GPHN: variants seen among roughly 807,000 people sequenced by gnomAD.
GPHN encodes gephyrin.
A neutral mutation model predicts 95.5 loss-of-function variants in GPHN; 17 were observed. The ratio of observed to expected loss-of-function variants is 0.18; its 90% CI spans 0.12 to 0.27. The LOEUF is 0.27. Among genes scored for constraint, GPHN ranks in the 10% least tolerant of loss-of-function variants. The pLI, the probability that GPHN is intolerant of heterozygous loss-of-function variation, is 1.00. For missense variants in GPHN, 660 were observed against 978.1 expected, an observed-to-expected ratio of 0.67 and a Z score of 4.34; for synonymous variants, 320 against 322.5, an observed-to-expected ratio of 0.99 and a Z score of 0.08.
intron 1 of GPHN, among the ~76,000 whole-genome samples, chr14:66,583,798 A>G (rs1175636649): frequency 6.6e-6 from 1 of 152,056 alleles, no homozygotes; most frequent in Non-Finnish European, 1.5e-5. Flanking sequence ...TCCTTGTAGT[A>G]TAGTTTGAAG....
chr14:67,535,578 C>T, the GPHN span, among the ~76,000 whole-genome samples: 1 of 151,998 alleles, frequency 6.6e-6, no homozygotes, highest in South Asian at 2.1e-4. Flanking sequence ...GACAGGGTTT[C>T]ACCATGTTGG....
chr14:67,416,421 A>G, the GPHN span, among the ~76,000 whole-genome samples: 1 of 152,166 alleles, frequency 6.6e-6, no homozygotes, highest in Non-Finnish European at 1.5e-5. Flanking sequence ...ATTTGTAGGA[A>G]AAGGAGGGCG....
At chr14:67,191,986 A>AG in the GPHN span, among the ~76,000 whole-genome samples, 3 of 152,206 alleles carry the variant, frequency 2.0e-5, no homozygotes, top group Non-Finnish European at 4.4e-5. Context: ...GAAAGGATTG[A>AG]GGGGGAGAAA....
intron 2 of GPHN, among the ~76,000 whole-genome samples, chr14:66,751,431 C>T (rs1474006628): frequency 6.6e-6 from 1 of 152,056 alleles, no homozygotes; most frequent in African/African-American, 2.4e-5. Context: ...TTGCATTTCT[C>T]CAATGATCAG....
chr14:67,570,013 G>T, the GPHN span: 9 of 1,570,600 alleles, frequency 5.7e-6, no homozygotes, highest in Admixed American at 1.7e-5. Flanking sequence ...ACTGAAGGGG[G>T]TAAGAAACTG....
chr14:66,908,683 G>A (rs1276088365), intron 5 of GPHN, among the ~76,000 whole-genome samples: 1 of 151,998 alleles, frequency 6.6e-6, no homozygotes, highest in African/African-American at 2.4e-5. Flanking sequence ...TCAGCTAAGA[G>A]ATCAAGATCA....
chr14:67,389,789 T>A, the GPHN span, among the ~76,000 whole-genome samples: 1 of 150,118 alleles, frequency 6.7e-6, no homozygotes, highest in African/African-American at 2.5e-5. Context: ...TTTTTTTTTT[T>A]AAGTGTTTTT....
At chr14:67,370,020 T>TGTTTCTATA in the GPHN span, among the ~76,000 whole-genome samples, 1 of 152,232 alleles carries the variant, frequency 6.6e-6, no homozygotes. Flanking sequence ...TCATTAGCAT[T>TGTTTCTATA]GTTTCTATAG....
intron 1 of GPHN, among the ~76,000 whole-genome samples, chr14:66,630,318 T>TG (rs2063741357): frequency 1.3e-5 from 2 of 152,140 alleles, no homozygotes; most frequent in Non-Finnish European, 2.9e-5. Flanking sequence ...TTGAGATGTG[T>TG]GGGGTCAGAT....
chr14:67,228,423 T>C, the GPHN span: 1 of 382,924 alleles, frequency 2.6e-6, no homozygotes, highest in African/African-American at 2.2e-5. Flanking sequence ...CTCCACCTTT[T>C]TTTAAAATCA....
At chr14:66,936,308 G>A (rs947613272) in intron 8 of GPHN, among the ~76,000 whole-genome samples, 3 of 152,072 alleles carry the variant, frequency 2.0e-5, no homozygotes, top group African/African-American at 4.8e-5. Context: ...AAACCCCGGA[G>A]GCAGAGGTTA....
intron 8 of GPHN, among the ~76,000 whole-genome samples, chr14:66,952,152 C>T (rs56106424): frequency 1.1e-4 from 17 of 152,146 alleles, no homozygotes; most frequent in East Asian, 9.6e-4. Context: ...TTATCACCAC[C>T]GCTCCCAAAA....
intron 10 of GPHN, among the ~76,000 whole-genome samples, chr14:67,040,209 T>C (rs2074629619): frequency 6.6e-6 from 1 of 152,138 alleles, no homozygotes. Context: ...GTTACAAGAA[T>C]AGTATAGAGA....
chr14:67,436,050 T>A, the GPHN span, among the ~76,000 whole-genome samples: 28 of 152,354 alleles, frequency 1.8e-4, no homozygotes, highest in Admixed American at 1.7e-3. Context: ...TTACTTCCCT[T>A]AGGGCTGATT....
intron 11 of GPHN, among the ~76,000 whole-genome samples, chr14:67,064,267 A>G (rs972674667): frequency 6.6e-6 from 1 of 152,130 alleles, no homozygotes; most frequent in African/African-American, 2.4e-5. Flanking sequence ...CCAGCCTTTC[A>G]TCTCAGGGAT....
At chr14:66,614,516 A>T (rs1469989305) in intron 1 of GPHN, among the ~76,000 whole-genome samples, 3 of 151,812 alleles carry the variant, frequency 2.0e-5, no homozygotes, top group Non-Finnish European at 4.4e-5. Flanking sequence ...TTGCTTTTCT[A>T]CATGCAAAAT....
At chr14:67,289,156 T>G in the GPHN span, among the ~76,000 whole-genome samples, 1 of 151,662 alleles carries the variant, frequency 6.6e-6, no homozygotes, top group Non-Finnish European at 1.5e-5. Flanking sequence ...TTTGTAGACC[T>G]GGAGTTTTGC....
rs184798222 is a variant in GPHN, at chr14:67,096,115, T to C, written c.1238-4741T>C. ...AGAAATAAGAAAAATGACTCCTCTC[T>C]TGGTACCAAGAAACTTCTATGTAGT... On this transcript the variant is annotated intron_variant, in intron 12 of 22. Coordinates refer to ENST00000478722, the MANE Select transcript of GPHN (RefSeq NM_020806.5). 2.9e-3 allele frequency among the ~76,000 whole-genome samples: 449 copies of C among 152,248 alleles called. 4 individuals are homozygous for C. The highest frequency in any genetic ancestry group is 3.3e-3 in the Non-Finnish European group (225 of 68,002).
chr14:66,567,269 T>C (rs1278806932), intron 1 of GPHN, among the ~76,000 whole-genome samples: 2 of 152,136 alleles, frequency 1.3e-5, no homozygotes, highest in Admixed American at 1.3e-4. Context: ...CTTAGGTCTT[T>C]TTAGCAGCGT....
Sources: gnomAD v4.1 joint callset for allele counts (sites outside exome capture counted in the v4.1 genomes callset) on GRCh38, gnomAD v4.1.1 for gene constraint, MANE v1.5 for transcripts, NCBI Gene and HGNC (gene_info 2026-07-23, HGNC 2026-07-21) for gene names.